KALRN: variants seen among roughly 807,000 people sequenced by gnomAD.
KALRN encodes the protein kalirin.
In KALRN, 70 loss-of-function variants were observed where a neutral mutation model predicts 353.7. The ratio of observed to expected loss-of-function variants is 0.20; its 90% confidence interval spans 0.16 to 0.24. The LOEUF (loss-of-function observed/expected upper bound fraction) is 0.24, where lower values mean the gene tolerates loss of function less well. Ranked by LOEUF, KALRN falls within the 10% of genes least tolerant of loss-of-function variation. KALRN has a pLI of 1.00. For synonymous variants in KALRN, 1,391 were observed against 1,434.8 expected (o/e 0.97, Z 0.69); for missense variants, 2,791 against 3,756.7 (o/e 0.74, Z 6.72).
In KALRN at chr3:124,048,630, C is replaced by T. The variant is rs535834622; in HGVS notation, c.73+14817C>T. ...CCGAGTAGCTGGGACTACAGGCGCC[C>T]GCCACCTCGCCCAGCTAATTTTTTT... On this transcript the variant is annotated intron_variant, in intron 1 of 59. Coordinates refer to ENST00000682506, the MANE Select transcript of KALRN (RefSeq NM_001388419.1). 1.4e-3 allele frequency among the ~76,000 whole-genome samples: 211 copies of T among 152,064 alleles called. 1 individual carries two copies. The highest frequency in any genetic ancestry group is 4.7e-3 in the African/African-American group (196 of 41,470).
At chr3:124,129,318 A>G (rs941816836) in intron 1 of KALRN, among the ~76,000 whole-genome samples, 1 of 151,922 alleles carries the variant, frequency 6.6e-6, no homozygotes, top group Non-Finnish European at 1.5e-5. Context: ...AGGGCAGAGC[A>G]CTCTCTACGT....
In KALRN at chr3:124,234,817, T is replaced by TC; in HGVS notation, c.149-10dup. ...GTTTTCTTAAACACTCTTCTCTTCC[T>TC]CCTTCTTGCAGGGGGTCGTGATAAG... is the stretch of plus-strand genomic sequence containing the variant. On this transcript the variant is annotated splice_polypyrimidine_tract_variant and intron_variant, in intron 2 of 59. Transcript: ENST00000682506. 1 of 1,574,904 alleles carries TC rather than the reference T, an allele frequency of 6.3e-7. No individual in the cohort carries two copies. The highest frequency in any genetic ancestry group is 8.6e-7 in the Non-Finnish European group (1 of 1,156,406).
chr3:124,500,434 T>G (rs2064381765), intron 33 of KALRN, among the ~76,000 whole-genome samples: 1 of 152,196 alleles, frequency 6.6e-6, no homozygotes, highest in South Asian at 2.1e-4. Flanking sequence ...ACATAGGGTC[T>G]GTAACTTGGA....
intron 34 of KALRN, among the ~76,000 whole-genome samples, chr3:124,578,041 C>G (rs970131220): frequency 6.6e-6 from 1 of 152,158 alleles, no homozygotes; most frequent in Non-Finnish European, 1.5e-5. Context: ...ACCTTATGTC[C>G]AGTACTATTC....
chr3:124,154,033 A>T (rs1257016951), intron 1 of KALRN, among the ~76,000 whole-genome samples: 2 of 152,006 alleles, frequency 1.3e-5, no homozygotes, highest in East Asian at 3.9e-4. Context: ...TTGTCAGATG[A>T]GTAGGTTGCA....
chr3:124,177,563 A>G (rs1445634148), intron 1 of KALRN, among the ~76,000 whole-genome samples: 1 of 152,220 alleles, frequency 6.6e-6, no homozygotes, highest in Non-Finnish European at 1.5e-5. Flanking sequence ...AGGCTCAGTA[A>G]TATCCATGCA....
chr3:124,149,413 G>T (rs146179410), intron 1 of KALRN, among the ~76,000 whole-genome samples: 4 of 152,286 alleles, frequency 2.6e-5, no homozygotes, highest in Non-Finnish European at 4.4e-5. Flanking sequence ...GATCTTGAAG[G>T]TGAATGCTGT....
At chr3:124,310,062 A>G (rs2078098808) in intron 6 of KALRN, among the ~76,000 whole-genome samples, 1 of 152,214 alleles carries the variant, frequency 6.6e-6, no homozygotes, top group South Asian at 2.1e-4. Flanking sequence ...AATAAGTTCA[A>G]CAAGGTTGCA....
chr3:124,238,655 C>T (rs761839767), intron 3 of KALRN, among the ~76,000 whole-genome samples: 1 of 152,212 alleles, frequency 6.6e-6, no homozygotes, highest in Non-Finnish European at 1.5e-5. Context: ...TCTGGGATTT[C>T]ACTTAAGATT....
chr3:124,408,696 G>T (rs2091850417), intron 13 of KALRN, among the ~76,000 whole-genome samples: 1 of 151,902 alleles, frequency 6.6e-6, no homozygotes, highest in South Asian at 2.1e-4. Context: ...AGTTGAAGTG[G>T]GTAGACCATA....
At chr3:124,255,767 A>G (rs975328951) in intron 3 of KALRN, among the ~76,000 whole-genome samples, 11 of 152,170 alleles carry the variant, frequency 7.2e-5, no homozygotes, top group African/African-American at 2.7e-4. Context: ...TCTGTAAGAG[A>G]AGACTTCTTG....
intron 10 of KALRN, among the ~76,000 whole-genome samples, chr3:124,355,393 A>G (rs913889814): frequency 6.6e-5 from 10 of 152,214 alleles, no homozygotes; most frequent in South Asian, 6.2e-4. Flanking sequence ...ATACACCACA[A>G]TTGTTGGAAG....
rs991124076 is a variant in KALRN, at chr3:124,676,388, A to T, written c.7193+1774A>T. 3.9e-5 allele frequency among the ~76,000 whole-genome samples: 6 copies of T among 152,150 alleles called. No homozygotes were observed. In the South Asian group the frequency reaches 1.2e-3, roughly 32 times the overall value. The stretch of plus-strand genomic sequence containing the variant: ...GCACACCCTCCCCAAGGCCTGCCAT[A>T]ACCACAGGGGTCAGAGTTGGTTGTG... On this transcript the variant is annotated intron_variant, in intron 49 of 59. Coordinates refer to ENST00000682506, the MANE Select transcript of KALRN (RefSeq NM_001388419.1).
At chr3:124,461,104 A>G (rs919778114) in intron 23 of KALRN, among the ~76,000 whole-genome samples, 19 of 152,380 alleles carry the variant, frequency 1.2e-4, no homozygotes, top group East Asian at 1.9e-4. Context: ...CAACTATTTC[A>G]TATGGTCTAT....
chr3:124,577,936 T>G (rs2074282777), intron 34 of KALRN, among the ~76,000 whole-genome samples: 2 of 152,180 alleles, frequency 1.3e-5, no homozygotes, highest in Admixed American at 6.5e-5. Flanking sequence ...ATAGAAGCAA[T>G]GTACACATTG....
intron 6 of KALRN, among the ~76,000 whole-genome samples, chr3:124,325,566 C>G (rs188094003): frequency 6.6e-6 from 1 of 152,250 alleles, no homozygotes; most frequent in East Asian, 1.9e-4. Flanking sequence ...CTGGGTACAG[C>G]TCTCCCCTGA....
intron 1 of KALRN, among the ~76,000 whole-genome samples, chr3:124,082,721 A>T (rs80231676): frequency 0.018 from 2,799 of 152,344 alleles, 33 homozygotes; most frequent in Non-Finnish European, 0.032. Context: ...CAGTGTGGTA[A>T]AAATAGTATG....
intron 10 of KALRN, among the ~76,000 whole-genome samples, chr3:124,356,619 C>T (rs1211325506): frequency 6.6e-6 from 1 of 152,138 alleles, no homozygotes; most frequent in African/African-American, 2.4e-5. Flanking sequence ...CAGGTGTGCG[C>T]CACCGCACCT....
At chr3:124,365,663 T>G (rs1576315341) in intron 10 of KALRN, among the ~76,000 whole-genome samples, 1 of 152,220 alleles carries the variant, frequency 6.6e-6, no homozygotes, top group African/African-American at 2.4e-5. Context: ...CATTACTCCA[T>G]GTTTGTGTTG....
Sources: allele counts gnomAD v4.1 joint callset (sites outside exome capture counted in the v4.1 genomes callset), GRCh38; gene constraint gnomAD v4.1.1; transcripts MANE v1.5; gene names NCBI Gene and HGNC (gene_info 2026-07-23, HGNC 2026-07-21).